DHX57: variants seen among roughly 807,000 people sequenced by gnomAD.
DHX57 encodes DExH-box helicase 57, also known as putative ATP-dependent RNA helicase DHX57.
DHX57 carries 105 observed loss-of-function variants against 156.2 expected under a neutral mutation model. The observed-to-expected ratio is 0.67, with a 90% CI of 0.57 to 0.79. DHX57 has a LOEUF of 0.79. Ranked by LOEUF, DHX57 falls within the 30% of genes least tolerant of loss-of-function variation. The pLI is 0.00. For missense variants in DHX57, 1,847 were observed against 1,661.9 expected, an observed-to-expected ratio of 1.11 and a Z score of -1.94; for synonymous variants, 704 against 595.6, an observed-to-expected ratio of 1.18 and a Z score of -2.65.
At chr2:38,805,504 A>C (rs1669895605) in intron 22 of DHX57, among the ~76,000 whole-genome samples, 1 of 152,168 alleles carries the variant, frequency 6.6e-6, no homozygotes, top group African/African-American at 2.4e-5. Flanking sequence ...CAGATGTAAG[A>C]TTATTATAGA....
intron 14 of DHX57, among the ~76,000 whole-genome samples, chr2:38,827,205 T>A (rs942241177): frequency 6.6e-6 from 1 of 151,836 alleles, no homozygotes; most frequent in Non-Finnish European, 1.5e-5. Context: ...TACTTAGTTC[T>A]AGGAACCAAA....
intron 14 of DHX57, among the ~76,000 whole-genome samples, chr2:38,828,008 C>A (rs1383909837): frequency 6.6e-6 from 1 of 152,022 alleles, no homozygotes; most frequent in African/African-American, 2.4e-5. Context: ...AGGTGCCGGC[C>A]ACCACACCCA....
intron 21 of DHX57, among the ~76,000 whole-genome samples, chr2:38,813,595 A>G (rs926715667): frequency 5.3e-4 from 80 of 151,968 alleles, no homozygotes; most frequent in Admixed American, 1.2e-3. Context: ...GATGGTCTCG[A>G]TCTCCTGACC....
rs543609570 is a variant in DHX57 at position 38,861,055 on chromosome 2, G to C, written c.1355C>G (p.Ala452Gly). Residue 452 changes from alanine to glycine, a missense_variant, in exon 5 of 24, where the codon GCC becomes GGC. Ala to Gly is a moderately conservative substitution (Grantham distance 60). Coordinates refer to ENST00000457308, the MANE Select transcript of DHX57 (RefSeq NM_198963.3). ...ATTTGGAATCACTGTTTTATGACAG[G>C]CAGGATTATTTATTCTGGTCCTAGA... ...VPSRTRINNP[A>G]CHKTVIPNNS... 3.1e-6 allele frequency: 5 copies of C among 1,613,960 alleles called. No individual in the cohort carries two copies. In the South Asian group the frequency reaches 4.4e-5, roughly 14 times the overall value.
chr2:38,854,531 G>A (rs941003631), intron 8 of DHX57: 3 of 161,448 alleles, frequency 1.9e-5, no homozygotes. Flanking sequence ...GCTTTACAGA[G>A]GAAATTTAGT....
In DHX57 at chr2:38,812,781, C is replaced by A. The variant is rs546280361; in HGVS notation, c.3681+1040G>T. 7.6e-4 allele frequency among the ~76,000 whole-genome samples: 116 copies of A among 152,246 alleles called. 1 individual carries two copies. The highest frequency in any genetic ancestry group is 1.4e-3 in the Non-Finnish European group (93 of 68,020). ...CTCCTGACCTCAGGCGATCCGCCCG[C>A]CTCGGCCTCCCAAAGTGCTTGGATT... On this transcript the variant is annotated intron_variant, in intron 21 of 23. Transcript: ENST00000457308.
chr2:38,860,424 G>C (rs766880441), intron 5 of DHX57, among the ~76,000 whole-genome samples: 3 of 152,082 alleles, frequency 2.0e-5, no homozygotes, highest in Non-Finnish European at 4.4e-5. Flanking sequence ...ACTCCAGCTT[G>C]GGGGACAAGA....
In DHX57 at chr2:38,841,954, A is replaced by G. The variant is rs73930370; in HGVS notation, c.2425+1051T>C. On this transcript the variant is annotated intron_variant, in intron 12 of 23. Coordinates refer to ENST00000457308, the MANE Select transcript of DHX57 (RefSeq NM_198963.3). ...CGAATAATGCTAAAACTATTGGGAT[A>G]TTAAATGGTTTTAAAATCATGTCAA... 4.6e-3 allele frequency among the ~76,000 whole-genome samples: 704 copies of G among 152,362 alleles called. 10 individuals carry two copies. Among genetic ancestry groups the G allele is most frequent in the African/African-American group, 0.016 (672 of 41,592 alleles).
intron 8 of DHX57, 113 bp from the exon 9 acceptor site, chr2:38,854,291 T>C (rs1171847124): frequency 9.3e-7 from 1 of 1,076,402 alleles, no homozygotes; most frequent in Non-Finnish European, 1.3e-6. Context: ...ACACCAGCAG[T>C]TCCATTTAAT....
At chr2:38,837,567 C>T (rs1444530571) in intron 13 of DHX57, among the ~76,000 whole-genome samples, 4 of 126,964 alleles carry the variant, frequency 3.2e-5, no homozygotes, top group African/African-American at 1.1e-4. Flanking sequence ...GCTAAGGTCA[C>T]GCCATTGCAC....
In DHX57 at chr2:38,868,163, T is replaced by C; in HGVS notation, c.224+19A>G. 6.2e-7 allele frequency: 1 copy of C among 1,611,804 alleles called. No individual in the cohort carries two copies. The highest frequency in any genetic ancestry group is 8.5e-7 in the Non-Finnish European group (1 of 1,178,492). ...TTGATACCATTTCCATATTTAAACA[T>C]TCAAAGAGTTATAATGACCTGGAAG... On this transcript the variant is annotated intron_variant, in intron 2 of 23. Coordinates refer to ENST00000457308, the MANE Select transcript of DHX57 (RefSeq NM_198963.3).
chr2:38,819,651 C>A (rs1280519802), intron 17 of DHX57, among the ~76,000 whole-genome samples: 1 of 152,188 alleles, frequency 6.6e-6, no homozygotes, highest in Non-Finnish European at 1.5e-5. Context: ...TGCCTGCCCA[C>A]CCAAAATAAG....
intron 11 of DHX57, among the ~76,000 whole-genome samples, chr2:38,845,607 T>G (rs1672236295): frequency 6.6e-6 from 1 of 152,118 alleles, no homozygotes; most frequent in Admixed American, 6.5e-5. Flanking sequence ...GGATGACAGC[T>G]GAAATCACAT....
chr2:38,846,773 T>C (rs1242460508), intron 11 of DHX57, among the ~76,000 whole-genome samples: 2 of 151,746 alleles, frequency 1.3e-5, no homozygotes, highest in Admixed American at 1.3e-4. Flanking sequence ...GCAGAAAAAT[T>C]AGAAAAAAAG....
chr2:38,820,515 T>C (rs147173400), intron 17 of DHX57, among the ~76,000 whole-genome samples: 140 of 152,258 alleles, frequency 9.2e-4, no homozygotes, highest in African/African-American at 3.2e-3. Flanking sequence ...GAAAAGGTAA[T>C]AGAAGTCCTG....
Position 38,856,332 on chromosome 2 carries a change from ATT to A in DHX57, c.1709+6_1709+7del. ...TGAAAGCTACAGATGAATAAACTGCATTCTTACCCAGTCATACCACTTATGAC... is the reference window on the plus strand; with the variant it reads ...TGAAAGCTACAGATGAATAAACTGCACTTACCCAGTCATACCACTTATGAC... On this transcript the variant is annotated splice_donor_region_variant and intron_variant, in intron 7 of 23. Transcript: ENST00000457308. The A allele has an allele frequency of 6.2e-7, 1 of 1,605,426 alleles. No individual in the cohort carries two copies. The highest frequency in any genetic ancestry group is 8.5e-7 in the Non-Finnish European group (1 of 1,177,684).
chr2:38,804,023 C>G (rs1436666681), intron 22 of DHX57, among the ~76,000 whole-genome samples: 2 of 152,152 alleles, frequency 1.3e-5, no homozygotes, highest in African/African-American at 4.8e-5. Context: ...CTCAAGTCAT[C>G]CGCCCGCCTC....
chr2:38,846,484 G>T (rs116101479), intron 11 of DHX57, among the ~76,000 whole-genome samples: 9 of 151,788 alleles, frequency 5.9e-5, no homozygotes, highest in African/African-American at 2.2e-4. Flanking sequence ...TTAGGCATGG[G>T]GGTGTGTGTC....
chr2:38,854,597 T>C (rs1672785273), intron 8 of DHX57: 1 of 160,636 alleles, frequency 6.2e-6, no homozygotes, highest in Non-Finnish European at 1.3e-5. Context: ...ATTTTGCTCT[T>C]TTTGCCCAGG....
Sources: allele counts gnomAD v4.1 joint callset (sites outside exome capture counted in the v4.1 genomes callset), GRCh38; gene constraint gnomAD v4.1.1; transcripts MANE v1.5; gene names NCBI Gene and HGNC (gene_info 2026-07-23, HGNC 2026-07-21).